Variants in FRMPD2 observed in about 807,000 individuals in gnomAD.
The protein encoded by FRMPD2 is FERM and PDZ domain-containing protein 2.
A neutral mutation model predicts 140.1 loss-of-function variants in FRMPD2; 96 were observed. The observed-to-expected ratio is 0.69, with a 90% CI of 0.58 to 0.81. The LOEUF (loss-of-function observed/expected upper bound fraction) is 0.81. FRMPD2 is among the 40% of genes least tolerant of loss of function. FRMPD2 has a pLI of 0.00. For synonymous variants in FRMPD2, 449 were observed against 547.6 expected, an observed-to-expected ratio of 0.82 and a Z score of 2.52; for missense variants, 1,240 against 1,447.4, an observed-to-expected ratio of 0.86 and a Z score of 2.32.
chr10:48,235,581 C>T (rs900922013), intron 9 of FRMPD2, among the ~76,000 whole-genome samples: 2 of 152,156 alleles, frequency 1.3e-5, no homozygotes, highest in African/African-American at 4.8e-5. Flanking sequence ...GATGCAGGAG[C>T]CTGGGAGGGG....
At chr10:48,174,011 G>T (rs1458978424) in intron 24 of FRMPD2, among the ~76,000 whole-genome samples, 8 of 152,206 alleles carry the variant, frequency 5.3e-5, no homozygotes. Flanking sequence ...ATTAGCAAAG[G>T]TCTAAATATC....
At chr10:48,228,634 T>C (rs1267592547) in intron 10 of FRMPD2, among the ~76,000 whole-genome samples, 2 of 152,010 alleles carry the variant, frequency 1.3e-5, no homozygotes, top group Admixed American at 6.5e-5. Context: ...TATGATTGCT[T>C]ACTTTCTAGT....
Position 48,196,497 on chromosome 10 carries a change from T to C in FRMPD2, c.1955-3603A>G, listed in dbSNP as rs373088964. On this transcript the variant is annotated intron_variant, in intron 15 of 28. Coordinates refer to ENST00000374201, the MANE Select transcript of FRMPD2 (RefSeq NM_001018071.4). ...CTTTGACATCTCTCTCTGTCTGTTT[T>C]TGGTGACAAGTGGGGTGGGAAGAGA... Among the ~76,000 whole-genome samples the C allele has an allele frequency of 3.9e-5, 6 of 152,308 alleles. No homozygotes were observed. In the East Asian group the frequency reaches 5.8e-4, roughly 15 times the overall value.
At chr10:48,249,338 A>C (rs571797187) in intron 2 of FRMPD2, among the ~76,000 whole-genome samples, 160 bp from the exon 3 acceptor site, 1 of 152,218 alleles carries the variant, frequency 6.6e-6, no homozygotes, top group Admixed American at 6.5e-5. Context: ...ACCCTGATGC[A>C]TGGGAACATG....
At chr10:48,167,664 CACAG>C (rs1432809445) in intron 27 of FRMPD2, among the ~76,000 whole-genome samples, 3 of 146,492 alleles carry the variant, frequency 2.0e-5, no homozygotes, top group African/African-American at 7.5e-5. Flanking sequence ...CTAGGAACCC[CACAG>C]AAGGCATGGC....
In FRMPD2 at chr10:48,241,648, G is replaced by A. The variant is rs1038625168; in HGVS notation, c.567+513C>T. Reference sequence around the variant, plus strand: ...CCAACCTAAGCCAAATGCCTCCCATGTGCCAGGCCCCTTGCTGCACTCTGT... The same window carrying A: ...CCAACCTAAGCCAAATGCCTCCCATATGCCAGGCCCCTTGCTGCACTCTGT... On this transcript the variant is annotated intron_variant, in intron 5 of 28. Transcript: ENST00000374201. Among the ~76,000 whole-genome samples, 3 of 152,214 alleles carry A rather than the reference G, an allele frequency of 2.0e-5. No homozygotes were observed. In the South Asian group the frequency reaches 6.2e-4, roughly 31 times the overall value.
rs547904549 is a variant in FRMPD2, at chr10:48,161,850, T to C, written c.3881+1478A>G. On this transcript the variant is annotated intron_variant, in intron 28 of 28. Transcript: ENST00000374201. ...ATGAAACAGTGACTGCCTATACTAA[T>C]AGTTTAAAATACCATTTTAAATAAC... is the stretch of plus-strand genomic sequence containing the variant. Among the ~76,000 whole-genome samples, 15 of 151,474 alleles carry C rather than the reference T, an allele frequency of 9.9e-5. No homozygotes were observed. In the East Asian group the frequency reaches 2.5e-3, roughly 25 times the overall value.
chr10:48,258,719 C>A (rs1161110516), intron 1 of FRMPD2, among the ~76,000 whole-genome samples: 2 of 152,190 alleles, frequency 1.3e-5, no homozygotes, highest in African/African-American at 4.8e-5. Context: ...TCTTTTACAT[C>A]CCGTTTTCCC....
chr10:48,251,523 A>G (rs1022661572), intron 2 of FRMPD2, 43 bp downstream of exon 2: 2 of 1,609,244 alleles, frequency 1.2e-6, no homozygotes, highest in East Asian at 2.2e-5. Context: ...GAAGCTTCAC[A>G]TACAACTCCC....
chr10:48,258,863 A>G (rs1377626949), intron 1 of FRMPD2, among the ~76,000 whole-genome samples: 1 of 152,266 alleles, frequency 6.6e-6, no homozygotes, highest in Non-Finnish European at 1.5e-5. Flanking sequence ...AATAGAAGGT[A>G]ATTATAACTA....
At position 48,220,496 on chromosome 10, in the gene FRMPD2, C is replaced by A. The variant is rs187704661; in HGVS notation, c.1455+1817G>T. On this transcript the variant is annotated intron_variant, in intron 12 of 28. Transcript: ENST00000374201. ...AAAACATAAAAATTTGAGAAGATAA[C>A]ACCAGAAAAACCCTTCTGGATATTG... is the stretch of plus-strand genomic sequence containing the variant. 9.5e-4 allele frequency among the ~76,000 whole-genome samples: 144 copies of A among 152,272 alleles called. 2 individuals are homozygous for A. The highest frequency in any genetic ancestry group is 3.2e-3 in the African/African-American group (135 of 41,554).
intron 15 of FRMPD2, among the ~76,000 whole-genome samples, chr10:48,197,835 C>A (rs1056818008): frequency 6.6e-6 from 1 of 152,236 alleles, no homozygotes; most frequent in Non-Finnish European, 1.5e-5. Flanking sequence ...TGGGCCCCAA[C>A]AGCCACAGGT....
intron 22 of FRMPD2, 154 bp from the exon 23 acceptor site, chr10:48,176,093 G>C (rs1838402368): frequency 1.5e-6 from 1 of 645,388 alleles, no homozygotes; most frequent in Non-Finnish European, 2.9e-6. Context: ...TGTTCGTTTA[G>C]ATTGTATTCT....
rs770759751 is a variant in FRMPD2, at chr10:48,240,395, G to T, written c.665C>A (p.Ala222Glu). Residue 222 changes from alanine (A) to glutamate (E), a missense_variant, in exon 6 of 29, where the codon GCG becomes GAG. This residue lies in a region of FRMPD2 where 1,161 missense variants were observed against 1,055.9 expected (regional missense o/e 1.10). Coordinates refer to ENST00000374201, the MANE Select transcript of FRMPD2 (RefSeq NM_001018071.4). The part of the protein sequence containing the change: ...RLRGTSSESP[A>E]AQAPECLHPC... The stretch of plus-strand genomic sequence containing the variant: ...ATGCAGACACTCCGGGGCCTGTGCC[G>T]CTGGGCTCTCGCTGCTTGTCCCACG... The T allele has an allele frequency of 6.2e-7, 1 of 1,613,032 alleles. No homozygotes were observed. Among genetic ancestry groups the T allele is most frequent in the South Asian group, 1.1e-5 (1 of 91,074 alleles).
intron 22 of FRMPD2, among the ~76,000 whole-genome samples, chr10:48,177,014 G>A (rs558795431): frequency 6.6e-6 from 1 of 152,148 alleles, no homozygotes; most frequent in African/African-American, 2.4e-5. Context: ...TTACTTTGGT[G>A]GGAGATGTCA....
intron 12 of FRMPD2, among the ~76,000 whole-genome samples, 175 bp downstream of exon 12, chr10:48,222,126 GTGGATGGATGGA>G (rs148237970): frequency 1.9e-4 from 28 of 144,126 alleles, no homozygotes; most frequent in African/African-American, 3.6e-4. Context: ...CAATGAATAG[GTGGATGGATGGA>G]TGGATGGATG....
At chr10:48,274,019 T>C (rs1840813734) in intron 1 of FRMPD2, among the ~76,000 whole-genome samples, 1 of 152,160 alleles carries the variant, frequency 6.6e-6, no homozygotes, top group African/African-American at 2.4e-5. Context: ...ATACCCTGAG[T>C]CTTCTTACTT....
chr10:48,202,100 A>G (rs193302265), intron 14 of FRMPD2, among the ~76,000 whole-genome samples: 1 of 152,276 alleles, frequency 6.6e-6, no homozygotes, highest in Admixed American at 6.5e-5. Context: ...CTACCTGTAT[A>G]GAGCCTTATG....
At chr10:48,261,200 G>A (rs1459123601) in intron 1 of FRMPD2, among the ~76,000 whole-genome samples, 3 of 152,018 alleles carry the variant, frequency 2.0e-5, no homozygotes, top group African/African-American at 7.2e-5. Context: ...AATACCAGAA[G>A]GAGAAGGTGG....
Sources: gnomAD v4.1 joint callset for allele counts (sites outside exome capture counted in the v4.1 genomes callset) on GRCh38, gnomAD v4.1.1 for gene constraint, gnomAD v4.1.1 regional missense constraint, MANE v1.5 for transcripts, NCBI Gene and HGNC (gene_info 2026-07-23, HGNC 2026-07-21) for gene names.